RBFOX1: variants seen among roughly 807,000 people sequenced by gnomAD.
RBFOX1 encodes the protein RNA binding fox-1 homolog 1, also known as RNA binding protein fox-1 homolog 1.
A neutral mutation model predicts 57.7 loss-of-function variants in RBFOX1; 8 were observed. That is an observed-to-expected ratio of 0.14 (90% CI 0.08 to 0.25). The LOEUF (loss-of-function observed/expected upper bound fraction) is 0.25. RBFOX1 is among the 10% of genes least tolerant of loss of function. RBFOX1 has a pLI of 1.00. For synonymous variants in RBFOX1, 326 were observed against 222.4 expected (o/e 1.47, Z -4.15); for missense variants, 611 against 548.5 (o/e 1.11, Z -1.14).
At chr16:7,055,344 A>G (rs2051781567) in intron 4 of RBFOX1, among the ~76,000 whole-genome samples, 1 of 152,146 alleles carries the variant, frequency 6.6e-6, no homozygotes, top group Admixed American at 6.5e-5. Context: ...AGAGTTATGG[A>G]AAAGCTAAGA....
intron 3 of RBFOX1, among the ~76,000 whole-genome samples, chr16:5,683,372 G>C (rs951213711): frequency 2.6e-5 from 4 of 151,996 alleles, no homozygotes; most frequent in Non-Finnish European, 5.9e-5. Context: ...TCAATACTGA[G>C]TGTCAACTTG....
chr16:6,397,674 G>A lies in RBFOX1; in HGVS notation c.-64+80617G>A, dbSNP rs867387600. Among the ~76,000 whole-genome samples the A allele has an allele frequency of 5.3e-5, 8 of 152,164 alleles. No individual in the cohort carries two copies. The South Asian group carries it at 1.0e-3, about 20-fold the overall frequency. The stretch of plus-strand genomic sequence containing the variant: ...TGCTTCTTTGAAAATATATGTAACT[G>A]TGTAAAGAAAGATGACATCACTGTT... On this transcript the variant is annotated intron_variant, in intron 2 of 15. Transcript: ENST00000550418.
chr16:5,857,608 G>A (rs1162180469), intron 3 of RBFOX1, among the ~76,000 whole-genome samples: 1 of 152,172 alleles, frequency 6.6e-6, no homozygotes, highest in African/African-American at 2.4e-5. Context: ...AGTACACTGA[G>A]TGAATCCCCT....
chr16:5,400,144 G>A (rs1312669153), intron 1 of RBFOX1, among the ~76,000 whole-genome samples: 2 of 151,142 alleles, frequency 1.3e-5, no homozygotes. Context: ...CTGTCACCCA[G>A]GCTGGAGTGC....
intron 2 of RBFOX1, among the ~76,000 whole-genome samples, chr16:6,612,865 AT>A (rs1226555531): frequency 1.4e-5 from 2 of 141,452 alleles, no homozygotes; most frequent in Non-Finnish European, 3.1e-5. Context: ...AAAAAAAAAA[AT>A]AATAATAATA....
intron 2 of RBFOX1, among the ~76,000 whole-genome samples, chr16:5,567,408 C>A (rs1351555496): frequency 6.6e-6 from 1 of 152,092 alleles, no homozygotes; most frequent in Non-Finnish European, 1.5e-5. Context: ...TAAGTCTGAA[C>A]ACAGCCAATC....
intron 1 of RBFOX1, among the ~76,000 whole-genome samples, chr16:6,070,257 A>T (rs1233250932): frequency 6.6e-6 from 1 of 152,176 alleles, no homozygotes; most frequent in African/African-American, 2.4e-5. Flanking sequence ...CCCCCAAAGT[A>T]TCTAAATTCA....
intron 3 of RBFOX1, among the ~76,000 whole-genome samples, chr16:5,851,894 C>G (rs1319286070): frequency 6.6e-6 from 1 of 152,034 alleles, no homozygotes; most frequent in African/African-American, 2.4e-5. Flanking sequence ...GTTTCTGAAC[C>G]CTACAACATT....
At chr16:7,607,158 C>T (rs71374959) in intron 9 of RBFOX1, 127 bp from the exon 10 acceptor site, 31,598 of 772,462 alleles carry the variant, frequency 0.041, 784 homozygotes, top group Non-Finnish European at 0.049. Context: ...CATGCCCAAA[C>T]GACACCTCCT....
chr16:5,954,147 T>C (rs1004877239), intron 4 of RBFOX1, among the ~76,000 whole-genome samples: 1 of 152,176 alleles, frequency 6.6e-6, no homozygotes, highest in Non-Finnish European at 1.5e-5. Context: ...TGAGAACCTC[T>C]TCCCTTGTGT....
intron 2 of RBFOX1, among the ~76,000 whole-genome samples, chr16:6,448,515 A>G (rs1002196264): frequency 6.6e-6 from 1 of 152,122 alleles, no homozygotes; most frequent in South Asian, 2.1e-4. Flanking sequence ...TATTTTAGGT[A>G]TGGACATTTC....
At chr16:5,856,563 ATGTGTGTGTGTG>A (rs1317876935) in intron 3 of RBFOX1, among the ~76,000 whole-genome samples, 4 of 66,940 alleles carry the variant, frequency 6.0e-5, no homozygotes, top group Non-Finnish European at 1.1e-4. Flanking sequence ...GTGTGTGTGT[ATGTGTGTGTGTG>A]TATATATATA....
chr16:5,998,295 A>T (rs1315809724), intron 4 of RBFOX1, among the ~76,000 whole-genome samples: 1 of 152,210 alleles, frequency 6.6e-6, no homozygotes, highest in Non-Finnish European at 1.5e-5. Context: ...CAACAGCTGG[A>T]TCTATTGCAA....
chr16:5,504,068 G>T (rs992463809), intron 2 of RBFOX1, among the ~76,000 whole-genome samples: 1 of 152,212 alleles, frequency 6.6e-6, no homozygotes, highest in Non-Finnish European at 1.5e-5. Flanking sequence ...GGCATCTGGA[G>T]CAGCATCTCC....
intron 4 of RBFOX1, among the ~76,000 whole-genome samples, chr16:7,081,166 C>G (rs1001716545): frequency 6.6e-6 from 1 of 152,200 alleles, no homozygotes; most frequent in Admixed American, 6.5e-5. Context: ...TCCCAAGTAG[C>G]TGAGATTACA....
chr16:6,888,488 A>G (rs1190356197), intron 3 of RBFOX1, among the ~76,000 whole-genome samples: 2 of 152,150 alleles, frequency 1.3e-5, no homozygotes, highest in Non-Finnish European at 2.9e-5. Flanking sequence ...GGGGGAAATT[A>G]AATTCCCTTG....
chr16:6,214,444 G>C (rs1255003175), intron 1 of RBFOX1, among the ~76,000 whole-genome samples: 1 of 147,564 alleles, frequency 6.8e-6, no homozygotes, highest in African/African-American at 2.5e-5. Flanking sequence ...GAAGGACAGA[G>C]AAGGTGAGAG....
At chr16:6,463,591 T>C (rs2094969581) in intron 2 of RBFOX1, among the ~76,000 whole-genome samples, 2 of 152,104 alleles carry the variant, frequency 1.3e-5, no homozygotes, top group Admixed American at 1.3e-4. Context: ...GAGTATTGAC[T>C]TTCAGACAGG....
At chr16:7,521,091 T>G (rs1162130855) in intron 5 of RBFOX1, among the ~76,000 whole-genome samples, 1 of 52,032 alleles carries the variant, frequency 1.9e-5, no homozygotes, top group Non-Finnish European at 4.7e-5. Flanking sequence ...AGGTGCTACC[T>G]GCAAACGTGT....
Sources: gnomAD v4.1 joint callset for allele counts (sites outside exome capture counted in the v4.1 genomes callset) on GRCh38, gnomAD v4.1.1 for gene constraint, MANE v1.5 for transcripts, NCBI Gene and HGNC (gene_info 2026-07-23, HGNC 2026-07-21) for gene names.